The following PRKN variants were observed in gnomAD, a reference collection of about 807,000 sequenced individuals.
PRKN encodes the protein E3 ubiquitin-protein ligase parkin.
Under a neutral mutation model 59.5 loss-of-function variants are expected in PRKN, and 56 were observed. The ratio of observed to expected loss-of-function variants is 0.94; its 90% CI spans 0.76 to 1.18. The LOEUF (loss-of-function observed/expected upper bound fraction) is 1.18, where lower values mean the gene tolerates loss of function less well. Ranked by LOEUF, PRKN falls within the 50% of genes most tolerant of loss-of-function variation. The pLI, the probability that PRKN is intolerant of heterozygous loss-of-function variation, is 0.00. For synonymous variants in PRKN, 250 were observed against 222.1 expected, an observed-to-expected ratio of 1.13 and a Z score of -1.12; for missense variants, 657 against 596.4, an observed-to-expected ratio of 1.10 and a Z score of -1.06.
chr6:162,014,409 C>T (rs1314570419), intron 5 of PRKN, among the ~76,000 whole-genome samples: 1 of 152,312 alleles, frequency 6.6e-6, no homozygotes, highest in African/African-American at 2.4e-5. Context: ...TCAGGCGCCT[C>T]TGCAGAGGCC....
Position 162,442,297 on chromosome 6 carries a change from G to A in PRKN, c.171+1013C>T, listed in dbSNP as rs187518732. On this transcript the variant is annotated intron_variant, in intron 2 of 11. Transcript: ENST00000366898. ...TACTCTGACCCAGGAGCCCCCCTGC[G>A]CGGAGCAGTGATACCCACACAGCTG... 1.7e-3 allele frequency among the ~76,000 whole-genome samples: 262 copies of A among 152,282 alleles called. 3 individuals carry two copies. Among genetic ancestry groups the A allele is most frequent in the Admixed American group, 0.014 (221 of 15,294 alleles).
At chr6:162,687,782 G>T (rs1005095131) in intron 1 of PRKN, among the ~76,000 whole-genome samples, 9 of 152,134 alleles carry the variant, frequency 5.9e-5, no homozygotes, top group Non-Finnish European at 1.2e-4. Flanking sequence ...ATCATACCAT[G>T]AGGATGGCTT....
At chr6:162,240,343 T>C (rs1265309897) in intron 3 of PRKN, among the ~76,000 whole-genome samples, 1 of 152,190 alleles carries the variant, frequency 6.6e-6, no homozygotes, top group Non-Finnish European at 1.5e-5. Context: ...CTTCCAACAT[T>C]TCTCAGTCTC....
At chr6:161,740,944 T>C (rs960165616) in intron 7 of PRKN, among the ~76,000 whole-genome samples, 1 of 152,248 alleles carries the variant, frequency 6.6e-6, no homozygotes, top group Non-Finnish European at 1.5e-5. Context: ...CTGGACTGAA[T>C]TGATGGTCCA....
chr6:162,475,583 G>A (rs1791965376), intron 1 of PRKN, among the ~76,000 whole-genome samples: 1 of 107,056 alleles, frequency 9.3e-6, no homozygotes, highest in African/African-American at 4.0e-5. Flanking sequence ...GTGTGTGCAT[G>A]AGTGTGTGTG....
intron 1 of PRKN, among the ~76,000 whole-genome samples, chr6:162,694,235 A>AT (rs1777886753): frequency 1.3e-5 from 1 of 76,944 alleles, no homozygotes; most frequent in Non-Finnish European, 2.5e-5. Flanking sequence ...CAACAGTGAG[A>AT]CAAAAAAAAA....
intron 5 of PRKN, among the ~76,000 whole-genome samples, chr6:162,023,287 C>T (rs1387899204): frequency 6.6e-6 from 1 of 152,128 alleles, no homozygotes; most frequent in Non-Finnish European, 1.5e-5. Flanking sequence ...GAGCGTCTAC[C>T]TTGTTACAAG....
Position 161,447,996 on chromosome 6 carries a change from T to A in PRKN, c.1084-61119A>T, listed in dbSNP as rs1371473873. ...ACCTTAACCAGACTTATAGCCTTCA[T>A]TCAAACCAGACTGAATGATGTGGGA... is the stretch of plus-strand genomic sequence containing the variant. On this transcript the variant is annotated intron_variant, in intron 9 of 11. Transcript: ENST00000366898. The surrounding 1 kb of genome is among the most constrained non-coding windows in gnomAD (Gnocchi z 4.1). Among the ~76,000 whole-genome samples the A allele has an allele frequency of 6.6e-6, 1 of 150,410 alleles. No individual in the cohort carries two copies. The highest frequency in any genetic ancestry group is 6.6e-5 in the Admixed American group (1 of 15,232).
chr6:161,527,408 C>CTT lies in PRKN; in HGVS notation c.1083+21445_1083+21446insAA, dbSNP rs148033362. 0.019 allele frequency among the ~76,000 whole-genome samples: 2,962 copies of CTT among 152,290 alleles called. 103 individuals are homozygous for CTT. Among genetic ancestry groups the CTT allele is most frequent in the African/African-American group, 0.068 (2,836 of 41,534 alleles). On this transcript the variant is annotated intron_variant, in intron 9 of 11. Coordinates refer to ENST00000366898, the MANE Select transcript of PRKN (RefSeq NM_004562.3). This position sits in a 1 kb window ranked among gnomAD's most constrained non-coding sequence, Gnocchi z 4.6. ...TTGTGCTTCACACAAACAATTCCACCTATAAGGCCAGAAGGGCTGGGAAAC... is the reference window on the plus strand; with the variant it reads ...TTGTGCTTCACACAAACAATTCCACCTTTATAAGGCCAGAAGGGCTGGGAAAC...
In PRKN at chr6:161,545,413, C is replaced by G. The variant is rs528605306; in HGVS notation, c.1083+3441G>C. The G allele has an allele frequency of 3.1e-6, 5 of 1,612,212 alleles. No homozygotes were observed. The South Asian group carries it at 5.5e-5, about 18-fold the overall frequency. On this transcript the variant is annotated intron_variant, in intron 9 of 11. Coordinates refer to ENST00000366898, the MANE Select transcript of PRKN (RefSeq NM_004562.3). This position sits in a 1 kb window ranked among gnomAD's most constrained non-coding sequence, Gnocchi z 4.1. ...AGGCACTCACTTCTCCCTGAGGCAGCTTATTTTGTTCTTCGTTGTCCATAC... is the reference window on the plus strand; with the variant it reads ...AGGCACTCACTTCTCCCTGAGGCAGGTTATTTTGTTCTTCGTTGTCCATAC...
chr6:161,823,032 T>C (rs1455158520), intron 6 of PRKN, among the ~76,000 whole-genome samples: 1 of 152,020 alleles, frequency 6.6e-6, no homozygotes, highest in Non-Finnish European at 1.5e-5. Context: ...CCGCTTGGGC[T>C]CAAGTGATGC....
rs1262420510 is a variant in PRKN at position 161,548,796 on chromosome 6, T to C, written c.1083+58A>G. On this transcript the variant is annotated intron_variant, in intron 9 of 11. Transcript: ENST00000366898. The surrounding 1 kb of genome is among the most constrained non-coding windows in gnomAD (Gnocchi z 4.2). ...AAAATAAAAATATAATCCCAGCCCA[T>C]GTGCAAAAGCAAACAAGGACAGGAA... is the stretch of plus-strand genomic sequence containing the variant. The C allele has an allele frequency of 1.3e-6, 2 of 1,485,900 alleles. No individual in the cohort carries two copies. Among genetic ancestry groups the C allele is most frequent in the Non-Finnish European group, 9.4e-7 (1 of 1,068,680 alleles). The allele number at this position is 1,485,900 out of a possible 1,614,324, so 92.0% of individuals were successfully genotyped here. A position where few individuals can be genotyped will look rare whatever the true frequency, so the allele number is the denominator to read the frequency against.
chr6:161,798,783 C>CT (rs1220171848), intron 6 of PRKN, among the ~76,000 whole-genome samples: 3 of 152,152 alleles, frequency 2.0e-5, no homozygotes, highest in Admixed American at 6.5e-5. Context: ...CTCCTTTGTT[C>CT]TTTTTTCAAC....
At chr6:162,008,357 T>A (rs1782343743) in intron 5 of PRKN, among the ~76,000 whole-genome samples, 1 of 152,108 alleles carries the variant, frequency 6.6e-6, no homozygotes, top group Non-Finnish European at 1.5e-5. Context: ...CTACCCTACA[T>A]GGGCTACATG....
intron 2 of PRKN, among the ~76,000 whole-genome samples, chr6:162,329,738 ACT>A (rs978129974): frequency 4.6e-5 from 7 of 152,118 alleles, no homozygotes; most frequent in African/African-American, 1.7e-4. Flanking sequence ...AAATAAAAAA[ACT>A]CAATAATTTT....
chr6:162,625,887 C>G (rs1341421487), intron 1 of PRKN, among the ~76,000 whole-genome samples: 3 of 152,102 alleles, frequency 2.0e-5, no homozygotes, highest in African/African-American at 7.2e-5. Context: ...GAAAGTTACT[C>G]CAGTTACTTC....
intron 4 of PRKN, among the ~76,000 whole-genome samples, chr6:162,137,197 T>A (rs1438423421): frequency 1.3e-5 from 2 of 152,180 alleles, no homozygotes; most frequent in Admixed American, 1.3e-4. Flanking sequence ...CCAATTAATT[T>A]GGAGGTCTGG....
intron 6 of PRKN, among the ~76,000 whole-genome samples, chr6:161,907,377 T>A (rs34892597): frequency 0.14 from 21,749 of 152,136 alleles, 1,904 homozygotes; most frequent in Non-Finnish European, 0.2. Context: ...GTTGAGGCAA[T>A]CAGCATCTCA....
chr6:162,603,144 C>CTGAG (rs1340862105), intron 1 of PRKN, among the ~76,000 whole-genome samples: 1 of 152,136 alleles, frequency 6.6e-6, no homozygotes, highest in Non-Finnish European at 1.5e-5. Flanking sequence ...AGTTCCCTAT[C>CTGAG]TGAGTATATT....
Sources: gnomAD v4.1 joint callset for allele counts (sites outside exome capture counted in the v4.1 genomes callset) on GRCh38, gnomAD v4.1.1 for gene constraint, Gnocchi (gnomAD v3.1) non-coding constraint, MANE v1.5 for transcripts, NCBI Gene and HGNC (gene_info 2026-07-23, HGNC 2026-07-21) for gene names.